The following SLC30A9 variants were observed in gnomAD, a reference collection of about 807,000 sequenced individuals.
SLC30A9 encodes the protein solute carrier family 30 member 9, also known as proton-coupled zinc antiporter SLC30A9, mitochondrial.
In SLC30A9, 58 loss-of-function variants were observed where a neutral mutation model predicts 87.5. The observed-to-expected ratio is 0.66, with a 90% CI of 0.54 to 0.82. SLC30A9 has a LOEUF of 0.82. Ranked by LOEUF, SLC30A9 falls within the 40% of genes least tolerant of loss-of-function variation. The pLI is 0.00. For synonymous variants in SLC30A9, 234 were observed against 233.0 expected, an observed-to-expected ratio of 1.00 and a Z score of -0.04; for missense variants, 557 against 679.1, an observed-to-expected ratio of 0.82 and a Z score of 2.00.
intron 8 of SLC30A9, among the ~76,000 whole-genome samples, chr4:42,045,192 G>A (rs754416479): frequency 2.0e-5 from 3 of 152,036 alleles, no homozygotes; most frequent in Non-Finnish European, 4.4e-5. Flanking sequence ...GCTAGCAGAA[G>A]ACAAGAAATA....
intron 8 of SLC30A9, among the ~76,000 whole-genome samples, chr4:42,048,898 T>G (rs544137582): frequency 1.3e-4 from 20 of 152,358 alleles, no homozygotes; most frequent in Middle Eastern, 3.4e-3. Context: ...AAATTTTTAC[T>G]CTTGTTACCT....
intron 2 of SLC30A9, among the ~76,000 whole-genome samples, chr4:42,017,642 G>T (rs1230665601): frequency 6.6e-6 from 1 of 152,042 alleles, no homozygotes; most frequent in African/African-American, 2.4e-5. Flanking sequence ...GTGTAGGGTT[G>T]TACAGTTGTC....
chr4:42,062,415 A>G (rs1717894338), intron 10 of SLC30A9, among the ~76,000 whole-genome samples: 1 of 152,194 alleles, frequency 6.6e-6, no homozygotes, highest in Non-Finnish European at 1.5e-5. Context: ...AGCATGCTTG[A>G]AAAATAATTG....
Position 42,062,124 on chromosome 4 carries a change from G to T in SLC30A9, c.897-862G>T, listed in dbSNP as rs530657348. On this transcript the variant is annotated intron_variant, in intron 10 of 17. Transcript: ENST00000264451. ...CAGGAGAATCATTTGTACTCGGGAG[G>T]TGGAGGTTGCAGTGAGCCAAGATCC... is the stretch of plus-strand genomic sequence containing the variant. 1.6e-4 allele frequency among the ~76,000 whole-genome samples: 25 copies of T among 151,658 alleles called. 1 individual carries two copies. In the South Asian group the frequency reaches 5.0e-3, roughly 30 times the overall value.
chr4:41,994,858 C>T (rs1219301267), intron 1 of SLC30A9, among the ~76,000 whole-genome samples: 1 of 140,426 alleles, frequency 7.1e-6, no homozygotes, highest in Non-Finnish European at 1.5e-5. Flanking sequence ...ACCATTTAGA[C>T]TGTCAATGCT....
intron 1 of SLC30A9, among the ~76,000 whole-genome samples, chr4:41,999,841 A>G (rs1408728253): frequency 1.3e-5 from 2 of 152,120 alleles, no homozygotes; most frequent in African/African-American, 2.4e-5. Context: ...ATTTGATATT[A>G]AGGTTTTTTT....
chr4:42,076,366 C>T (rs1718550935), intron 16 of SLC30A9, among the ~76,000 whole-genome samples: 1 of 152,194 alleles, frequency 6.6e-6, no homozygotes, highest in African/African-American at 2.4e-5. Flanking sequence ...CATTCTTCTT[C>T]TTCCATCCCT....
At chr4:42,005,652 A>G (rs765625227) in intron 2 of SLC30A9, among the ~76,000 whole-genome samples, 3 of 152,130 alleles carry the variant, frequency 2.0e-5, no homozygotes, top group African/African-American at 4.8e-5. Flanking sequence ...AAATCCGGGG[A>G]AAGCTGGCTT....
chr4:41,997,033 CAAATAAATAAAT>C (rs71650957), intron 1 of SLC30A9, among the ~76,000 whole-genome samples: 1 of 140,920 alleles, frequency 7.1e-6, no homozygotes, highest in South Asian at 2.4e-4. Flanking sequence ...GACTCCATCT[CAAATAAATAAAT>C]AAATAAATAA....
At position 41,990,776 on chromosome 4, in the gene SLC30A9, T is replaced by C. The variant is rs779947382; in HGVS notation, c.109+16T>C. ...GACCGCCAGGGTGAGTGTCCCGCGC[T>C]GGCCGCTGGCTCCGTAGAAGCCGAA... is the stretch of plus-strand genomic sequence containing the variant. On this transcript the variant is annotated intron_variant, in intron 1 of 17. Coordinates refer to ENST00000264451, the MANE Select transcript of SLC30A9 (RefSeq NM_006345.4). The C allele has an allele frequency of 5.1e-6, 8 of 1,581,798 alleles. No homozygotes were observed. The highest frequency in any genetic ancestry group is 6.1e-6 in the Non-Finnish European group (7 of 1,156,658).
At chr4:42,037,851 A>G (rs747947009) in intron 7 of SLC30A9, among the ~76,000 whole-genome samples, 3 of 151,456 alleles carry the variant, frequency 2.0e-5, no homozygotes, top group Non-Finnish European at 4.4e-5. Context: ...GCTCACTGCA[A>G]CCTCCGCCTC....
At chr4:42,029,403 A>G in intron 6 of SLC30A9, 1 of 623,142 alleles carries the variant, frequency 1.6e-6, no homozygotes, top group South Asian at 1.4e-5. Context: ...GTGAATTTAA[A>G]CCCACATATC....
intron 9 of SLC30A9, among the ~76,000 whole-genome samples, chr4:42,054,940 TGAG>T (rs1210649529): frequency 6.6e-6 from 1 of 152,236 alleles, no homozygotes; most frequent in Non-Finnish European, 1.5e-5. Flanking sequence ...AAAATATTCA[TGAG>T]GGAGTAGATA....
rs780245522 is a variant in SLC30A9, at chr4:41,990,615, A to C, written c.-37A>C. Reference sequence around the variant, plus strand: ...GGTACCGGTGGCGGCGCGGAGGCAGAAGGCGGTGTCCGAGTAGGGGCCTCT... The same window carrying C: ...GGTACCGGTGGCGGCGCGGAGGCAGCAGGCGGTGTCCGAGTAGGGGCCTCT... On this transcript the variant is annotated 5_prime_UTR_variant, in exon 1 of 18. Coordinates refer to ENST00000264451, the MANE Select transcript of SLC30A9 (RefSeq NM_006345.4). The C allele has an allele frequency of 1.5e-6, 2 of 1,331,730 alleles. No homozygotes were observed. The highest frequency in any genetic ancestry group is 2.1e-6 in the Non-Finnish European group (2 of 940,844). 82.5% of individuals were successfully genotyped at this position (1,331,730 alleles called of 1,614,324 possible).
At chr4:42,037,429 A>G (rs1388308653) in intron 7 of SLC30A9, among the ~76,000 whole-genome samples, 2 of 151,520 alleles carry the variant, frequency 1.3e-5, no homozygotes, top group East Asian at 3.9e-4. Flanking sequence ...CTACTTTCCC[A>G]TGCCTTCCCT....
intron 2 of SLC30A9, 124 bp downstream of exon 2, chr4:42,001,904 G>T: frequency 8.5e-6 from 5 of 589,678 alleles, no homozygotes; most frequent in South Asian, 3.0e-5. Flanking sequence ...TTTTCTTTGT[G>T]GGAACTATTA....
At chr4:42,017,494 A>G (rs1033186870) in intron 2 of SLC30A9, among the ~76,000 whole-genome samples, 11 of 151,968 alleles carry the variant, frequency 7.2e-5, no homozygotes, top group African/African-American at 2.7e-4. Context: ...TCTGTACCAT[A>G]AAAGTATTCT....
At chr4:42,006,328 A>G (rs996359552) in intron 2 of SLC30A9, among the ~76,000 whole-genome samples, 28 of 152,166 alleles carry the variant, frequency 1.8e-4, no homozygotes, top group Admixed American at 5.9e-4. Flanking sequence ...GAGGCACTTA[A>G]CTGAGTCTTG....
intron 2 of SLC30A9, among the ~76,000 whole-genome samples, chr4:42,009,581 A>G (rs1220806613): frequency 6.6e-6 from 1 of 152,242 alleles, no homozygotes; most frequent in Non-Finnish European, 1.5e-5. Context: ...ACTGATTGAA[A>G]TCATAAAGAT....
Sources: gnomAD v4.1 joint callset for allele counts (sites outside exome capture counted in the v4.1 genomes callset) on GRCh38, gnomAD v4.1.1 for gene constraint, MANE v1.5 for transcripts, NCBI Gene and HGNC (gene_info 2026-07-23, HGNC 2026-07-21) for gene names.